Variants in WWOX observed in about 807,000 individuals in gnomAD.
WWOX encodes the protein WW domain containing oxidoreductase.
In WWOX, 69 loss-of-function variants were observed where a neutral mutation model predicts 46.2. The observed-to-expected ratio is 1.49, with a 90% CI of 1.23 to 1.82. The LOEUF (loss-of-function observed/expected upper bound fraction) is 1.82. WWOX is among the 40% of genes most tolerant of loss of function. WWOX has a pLI of 0.00. For missense variants in WWOX, 919 were observed against 542.6 expected, an observed-to-expected ratio of 1.69 and a Z score of -6.89; for synonymous variants, 359 against 202.6, an observed-to-expected ratio of 1.77 and a Z score of -6.56.
intron 8 of WWOX, among the ~76,000 whole-genome samples, chr16:79,009,291 G>A (rs577201090): frequency 7.4e-4 from 112 of 152,292 alleles, no homozygotes; most frequent in Non-Finnish European, 1.1e-3. Context: ...GCAGATGAAT[G>A]AAGGGGCGCT....
intron 5 of WWOX, among the ~76,000 whole-genome samples, chr16:78,380,927 A>G (rs1269220664): frequency 1.3e-5 from 2 of 152,218 alleles, no homozygotes; most frequent in Admixed American, 1.3e-4. Context: ...TTGAGAGCCC[A>G]TTGTGTGGCT....
intron 8 of WWOX, among the ~76,000 whole-genome samples, chr16:78,725,590 A>C (rs999632931): frequency 2.0e-5 from 3 of 149,808 alleles, no homozygotes; most frequent in Non-Finnish European, 4.5e-5. Flanking sequence ...CAGGCGATCT[A>C]CCCGCCTCAG....
At position 79,091,516 on chromosome 16, in the gene WWOX, G is replaced by A. The variant is rs150106585; in HGVS notation, c.1057-120092G>A. Among the ~76,000 whole-genome samples, 115 of 152,140 alleles carry A rather than the reference G, an allele frequency of 7.6e-4. 1 individual carries two copies. In the East Asian group the frequency reaches 0.02, roughly 27 times the overall value. ...TTTATGATCTTCGGATTTGGCTCTT[G>A]GCTTGAGGCTTAGCCTGTGCAGTCA... On this transcript the variant is annotated intron_variant, in intron 8 of 8. Transcript: ENST00000566780.
chr16:79,050,321 C>T (rs2048142979), intron 8 of WWOX, among the ~76,000 whole-genome samples: 1 of 152,130 alleles, frequency 6.6e-6, no homozygotes, highest in African/African-American at 2.4e-5. Context: ...ATGGGTGGGG[C>T]ACTTTAGCTG....
intron 8 of WWOX, among the ~76,000 whole-genome samples, chr16:78,487,833 T>G (rs562703941): frequency 1.1e-4 from 16 of 152,130 alleles, no homozygotes; most frequent in Middle Eastern, 3.2e-3. Context: ...TTCTCTGGCT[T>G]CCAGGAACCA....
At chr16:78,213,456 G>T (rs760973035) in intron 5 of WWOX, among the ~76,000 whole-genome samples, 1 of 151,672 alleles carries the variant, frequency 6.6e-6, no homozygotes, top group Non-Finnish European at 1.5e-5. Flanking sequence ...AAAGATAAGT[G>T]CAGTCCTACT....
intron 8 of WWOX, among the ~76,000 whole-genome samples, chr16:78,990,807 C>G (rs982794383): frequency 1.3e-5 from 2 of 152,214 alleles, no homozygotes; most frequent in Non-Finnish European, 2.9e-5. Context: ...CTTAATCAAG[C>G]TTTGCCTCAG....
chr16:79,022,244 T>A (rs2151386432), intron 8 of WWOX, among the ~76,000 whole-genome samples: 1 of 149,696 alleles, frequency 6.7e-6, no homozygotes, highest in East Asian at 2.0e-4. Flanking sequence ...TGGGCTGGGA[T>A]GACAAGTGCT....
intron 5 of WWOX, among the ~76,000 whole-genome samples, chr16:78,294,383 T>A (rs2079909092): frequency 6.6e-6 from 1 of 150,974 alleles, no homozygotes; most frequent in South Asian, 2.1e-4. Flanking sequence ...GTTCCTGGTC[T>A]TGCCACTGCC....
chr16:78,908,105 T>C (rs1231724931), intron 8 of WWOX, among the ~76,000 whole-genome samples: 1 of 152,322 alleles, frequency 6.6e-6, no homozygotes, highest in South Asian at 2.1e-4. Flanking sequence ...AATCTTCATT[T>C]CCTCAAAGTT....
rs575801269 is a variant in WWOX at position 78,759,358 on chromosome 16, T to A, written c.1056+326606T>A. ...AAAGAGCCAGGCAAGGCACAGAAAATATTCTTCTGTTTCTTTTTCTATTCT... is the reference window on the plus strand; with the variant it reads ...AAAGAGCCAGGCAAGGCACAGAAAAAATTCTTCTGTTTCTTTTTCTATTCT... On this transcript the variant is annotated intron_variant, in intron 8 of 8. Transcript: ENST00000566780. Among the ~76,000 whole-genome samples, 3 of 152,186 alleles carry A rather than the reference T, an allele frequency of 2.0e-5. No individual in the cohort carries two copies. The East Asian group carries it at 5.8e-4, about 29-fold the overall frequency.
intron 8 of WWOX, among the ~76,000 whole-genome samples, chr16:78,464,822 A>G (rs924979099): frequency 6.6e-6 from 1 of 152,190 alleles, no homozygotes; most frequent in African/African-American, 2.4e-5. Flanking sequence ...ACCCTCAATA[A>G]GGAGAATCAG....
intron 8 of WWOX, among the ~76,000 whole-genome samples, chr16:78,740,510 C>G (rs186197138): frequency 2.6e-5 from 4 of 152,270 alleles, no homozygotes; most frequent in African/African-American, 9.6e-5. Context: ...ATGAGAAGAT[C>G]CCTGTTTAGG....
Position 79,152,628 on chromosome 16 carries a change from G to A in WWOX, c.1057-58980G>A, listed in dbSNP as rs147115339. Reference sequence around the variant, plus strand: ...AGAGGTTGCAGTGAGCCGAGATCACGCCACTGCACTCCAGCTTGGCGACAG... The same window carrying A: ...AGAGGTTGCAGTGAGCCGAGATCACACCACTGCACTCCAGCTTGGCGACAG... On this transcript the variant is annotated intron_variant, in intron 8 of 8. Coordinates refer to ENST00000566780, the MANE Select transcript of WWOX (RefSeq NM_016373.4). Among the ~76,000 whole-genome samples the A allele has an allele frequency of 1.8e-3, 268 of 150,666 alleles. 3 individuals carry two copies. The East Asian group carries it at 0.048, about 27-fold the overall frequency.
chr16:78,349,114 C>G (rs1413244454), intron 5 of WWOX, among the ~76,000 whole-genome samples: 1 of 120,390 alleles, frequency 8.3e-6, no homozygotes, highest in East Asian at 1.9e-4. Context: ...TTGATGTCTT[C>G]TGAGGTCTAC....
At chr16:78,472,223 T>G (rs988737283) in intron 8 of WWOX, among the ~76,000 whole-genome samples, 3 of 152,128 alleles carry the variant, frequency 2.0e-5, no homozygotes, top group African/African-American at 7.2e-5. Context: ...TGGCTGCATA[T>G]TGCATTCCTG....
At chr16:78,798,841 C>G (rs566987952) in intron 8 of WWOX, among the ~76,000 whole-genome samples, 1 of 152,092 alleles carries the variant, frequency 6.6e-6, no homozygotes, top group East Asian at 1.9e-4. Flanking sequence ...ATATCAGATG[C>G]GGCCAATGTC....
intron 8 of WWOX, chr16:78,891,580 A>G (rs1401534673): frequency 5.3e-5 from 8 of 152,196 alleles, no homozygotes; most frequent in Admixed American, 5.2e-4. Flanking sequence ...CTCTGTCGAT[A>G]ATTGATGCAA....
intron 8 of WWOX, among the ~76,000 whole-genome samples, chr16:78,518,689 C>G (rs2043288538): frequency 2.0e-5 from 3 of 152,190 alleles, no homozygotes; most frequent in Admixed American, 2.0e-4. Context: ...TCAGCAGCCA[C>G]CATGCAAGGT....
Sources: allele counts gnomAD v4.1 joint callset (sites outside exome capture counted in the v4.1 genomes callset), GRCh38; gene constraint gnomAD v4.1.1; transcripts MANE v1.5; gene names NCBI Gene and HGNC (gene_info 2026-07-23, HGNC 2026-07-21).